The following FOXN3 variants were observed in gnomAD, a reference collection of about 807,000 sequenced individuals.
FOXN3 encodes the protein forkhead box N3, also known as forkhead box protein N3.
In FOXN3, 7 loss-of-function variants were observed where a neutral mutation model predicts 38.4. That is an observed-to-expected ratio of 0.18 (90% CI 0.10 to 0.34). FOXN3 has a LOEUF of 0.34. Ranked by LOEUF, FOXN3 falls within the 10% of genes least tolerant of loss-of-function variation. The pLI is 1.00. For missense variants in FOXN3, 456 were observed against 613.4 expected (o/e 0.74, Z 2.71); for synonymous variants, 230 against 242.2 (o/e 0.95, Z 0.47).
intron 2 of FOXN3, among the ~76,000 whole-genome samples, chr14:89,366,145 C>T (rs1596230711): frequency 1.3e-5 from 2 of 151,564 alleles, no homozygotes; most frequent in East Asian, 3.9e-4. Flanking sequence ...CCCAGCTACT[C>T]GGGAGGCTGA....
intron 3 of FOXN3, among the ~76,000 whole-genome samples, chr14:89,324,569 G>A (rs1199187067): frequency 2.0e-5 from 3 of 152,032 alleles, no homozygotes; most frequent in African/African-American, 7.2e-5. Context: ...CCTTTGGGGA[G>A]AGAATATAGG....
Position 89,158,054 on chromosome 14 carries a change from G to T in FOXN3, c.*4360C>A, listed in dbSNP as rs1314667991. 6.6e-6 allele frequency: 1 copy of T among 152,340 alleles called. No individual in the cohort carries two copies. The highest frequency in any genetic ancestry group is 1.5e-5 in the Non-Finnish European group (1 of 68,036). 9.4% of individuals were successfully genotyped at this position (152,340 alleles called of 1,614,324 possible). On this transcript the variant is annotated 3_prime_UTR_variant, in exon 6 of 6. Coordinates refer to ENST00000557258, the MANE Select transcript of FOXN3 (RefSeq NM_005197.4). ...ATTAAAGGGAAAGAGAAATCACATG[G>T]AATTTAATCCAATCTCATCTAGAAA...
intron 4 of FOXN3, among the ~76,000 whole-genome samples, chr14:89,239,037 A>T (rs938768914): frequency 1.3e-5 from 2 of 152,226 alleles, no homozygotes; most frequent in African/African-American, 2.4e-5. Context: ...ACTGCGAATG[A>T]TCAACCAGGG....
chr14:89,579,039 G>A (rs567098006), intron 1 of FOXN3, among the ~76,000 whole-genome samples: 8 of 152,024 alleles, frequency 5.3e-5, no homozygotes, highest in African/African-American at 1.9e-4. Context: ...TTCTAGAGAC[G>A]AGGTCTCACT....
At chr14:89,431,361 C>T (rs1468842749) in intron 1 of FOXN3, among the ~76,000 whole-genome samples, 3 of 152,160 alleles carry the variant, frequency 2.0e-5, no homozygotes, top group Non-Finnish European at 2.9e-5. Flanking sequence ...CAGGCGCCCA[C>T]CACCACACCC....
intron 1 of FOXN3, among the ~76,000 whole-genome samples, chr14:89,432,338 C>T (rs1333405083): frequency 1.3e-5 from 2 of 152,144 alleles, no homozygotes; most frequent in Non-Finnish European, 2.9e-5. Context: ...AAGGTGATGT[C>T]AATTTTGCCT....
rs36091299 is a variant in FOXN3, at chr14:89,194,717, TA to T, written c.746-13912del. Reference sequence around the variant, plus strand: ...TCATGAAAGTAATATGTGCTCACTGTAAAAAAAAAAACACTAGATGGATATA... The same window carrying T: ...TCATGAAAGTAATATGTGCTCACTGTAAAAAAAAAACACTAGATGGATATA... On this transcript the variant is annotated intron_variant, in intron 4 of 5. Coordinates refer to ENST00000557258, the MANE Select transcript of FOXN3 (RefSeq NM_005197.4). Among the ~76,000 whole-genome samples, 64 of 146,932 alleles carry T rather than the reference TA, an allele frequency of 4.4e-4. 1 individual carries two copies. The highest frequency in any genetic ancestry group is 2.0e-3 in the Admixed American group (29 of 14,702).
intron 1 of FOXN3, among the ~76,000 whole-genome samples, chr14:89,437,200 A>AC (rs372730415): frequency 2.6e-5 from 4 of 151,906 alleles, no homozygotes; most frequent in African/African-American, 9.7e-5. Context: ...ACAAAAAAAA[A>AC]CAGTATGGCT....
chr14:89,415,269 A>G (rs924956269), intron 1 of FOXN3, among the ~76,000 whole-genome samples: 2 of 152,214 alleles, frequency 1.3e-5, no homozygotes, highest in Non-Finnish European at 2.9e-5. Flanking sequence ...AAGTAATTTA[A>G]TTGCACTGTT....
chr14:89,464,620 A>G (rs775969029), intron 1 of FOXN3, among the ~76,000 whole-genome samples: 13 of 151,998 alleles, frequency 8.6e-5, no homozygotes, highest in African/African-American at 1.2e-4. Context: ...CATAATCCCC[A>G]TGTGTCACGG....
intron 3 of FOXN3, among the ~76,000 whole-genome samples, chr14:89,291,881 GCC>G (rs1886883823): frequency 1.3e-5 from 2 of 152,058 alleles, no homozygotes; most frequent in South Asian, 4.1e-4. Flanking sequence ...AGTCTTCCTG[GCC>G]TCCCACTAGA....
Position 89,273,274 on chromosome 14 carries a change from C to G in FOXN3, c.745+7676G>C, listed in dbSNP as rs1408544546. 2.0e-5 allele frequency among the ~76,000 whole-genome samples: 3 copies of G among 152,206 alleles called. No individual in the cohort carries two copies. The South Asian group carries it at 6.2e-4, about 32-fold the overall frequency. ...GTTTCCACCTCCTACTGAACAGTTA[C>G]CCTGAAACATGAGATTAAGCCCACA... On this transcript the variant is annotated intron_variant, in intron 4 of 5. Transcript: ENST00000557258.
chr14:89,411,863 T>C (rs1891553869), intron 2 of FOXN3, 71 bp downstream of exon 2: 1 of 1,069,686 alleles, frequency 9.3e-7, no homozygotes, highest in East Asian at 2.9e-5. Context: ...TAGAAATTCA[T>C]TTTTAATAGA....
intron 4 of FOXN3, among the ~76,000 whole-genome samples, chr14:89,272,138 C>T (rs532704660): frequency 3.9e-5 from 6 of 152,072 alleles, no homozygotes; most frequent in Admixed American, 2.6e-4. Flanking sequence ...GGTGAAACCC[C>T]GTCTCTACTA....
chr14:89,439,141 G>A (rs557744208), intron 1 of FOXN3, among the ~76,000 whole-genome samples: 3 of 152,238 alleles, frequency 2.0e-5, no homozygotes, highest in African/African-American at 7.2e-5. Context: ...CCAACCCTGT[G>A]TGTGCCTTCT....
At chr14:89,564,926 C>A (rs1157209387) in intron 1 of FOXN3, among the ~76,000 whole-genome samples, 1 of 151,796 alleles carries the variant, frequency 6.6e-6, no homozygotes, top group African/African-American at 2.4e-5. Context: ...GACCCCCTGT[C>A]TCTACTAAAA....
At chr14:89,418,417 C>CCT (rs1279518047), upstream of FOXN3, among the ~76,000 whole-genome samples, 2 of 120,160 alleles carry the variant, frequency 1.7e-5, no homozygotes, top group African/African-American at 6.3e-5. Flanking sequence ...AATAGACCCC[C>CCT]CCCCCCCAAT....
At chr14:89,551,689 G>C (rs243214) in intron 1 of FOXN3, among the ~76,000 whole-genome samples, 132,753 of 152,146 alleles carry the variant, frequency 0.87, 58,064 homozygotes, top group African/African-American at 0.9. Context: ...TCTCTGCACA[G>C]TGTGTCTCCA....
Position 89,162,782 on chromosome 14 carries a change from C to A in FOXN3, c.1039G>T (p.Ala347Ser). 6.2e-7 allele frequency: 1 copy of A among 1,613,032 alleles called. No individual in the cohort carries two copies. Among genetic ancestry groups the A allele is most frequent in the South Asian group, 1.1e-5 (1 of 91,038 alleles). The change falls in exon 6 of 6, where the codon GCC becomes TCC. Residue 347 changes from alanine to serine, a missense_variant. Physicochemically the swap from Ala to Ser is moderately conservative, Grantham distance 99. Coordinates refer to ENST00000557258, the MANE Select transcript of FOXN3 (RefSeq NM_005197.4). The surrounding 1 kb of genome is among the most constrained non-coding windows in gnomAD (Gnocchi z 7.2). ...SSSADDHYEF[A>S]TKGSQEGSEG... Reference sequence around the variant, plus strand: ...CTGCCCTCCTGGCTCCCCTTGGTGGCAAACTCATAGTGGTCGTCGGCTGAG... The same window carrying A: ...CTGCCCTCCTGGCTCCCCTTGGTGGAAAACTCATAGTGGTCGTCGGCTGAG...
Sources: gnomAD v4.1 joint callset for allele counts (sites outside exome capture counted in the v4.1 genomes callset) on GRCh38, gnomAD v4.1.1 for gene constraint, Gnocchi (gnomAD v3.1) non-coding constraint, MANE v1.5 for transcripts, NCBI Gene and HGNC (gene_info 2026-07-23, HGNC 2026-07-21) for gene names.